SLC35D1: variants seen among roughly 807,000 people sequenced by gnomAD.
SLC35D1 encodes the protein nucleotide sugar transporter SLC35D1.
Under a neutral mutation model 46.7 loss-of-function variants are expected in SLC35D1, and 31 were observed. The ratio of observed to expected loss-of-function variants is 0.66; its 90% confidence interval spans 0.50 to 0.90. The LOEUF (loss-of-function observed/expected upper bound fraction) is 0.90, where lower values mean the gene tolerates loss of function less well. SLC35D1 is among the 40% of genes least tolerant of loss of function. The pLI is 0.00. For missense variants in SLC35D1, 397 were observed against 426.2 expected, an observed-to-expected ratio of 0.93 and a Z score of 0.60; for synonymous variants, 195 against 164.6, an observed-to-expected ratio of 1.18 and a Z score of -1.41.
intron 8 of SLC35D1, among the ~76,000 whole-genome samples, chr1:67,031,120 C>T (rs2815362): frequency 0.6 from 91,445 of 152,028 alleles, 28,953 homozygotes; most frequent in East Asian, 0.84. Flanking sequence ...ATCTGCAGGA[C>T]ATTAAAATAA....
At position 67,053,876 on chromosome 1, in the gene SLC35D1, G is replaced by A. The variant is rs1350210900; in HGVS notation, c.138C>T (p.Ala46=). 3 of 1,613,638 alleles carry A rather than the reference G, an allele frequency of 1.9e-6. No homozygotes were observed. Among genetic ancestry groups the A allele is most frequent in the South Asian group, 1.1e-5 (1 of 91,068 alleles). The change falls in exon 1 of 12, where the codon GCC becomes GCT. Residue 46 remains alanine (A), a synonymous_variant. Coordinates refer to ENST00000235345, the MANE Select transcript of SLC35D1 (RefSeq NM_015139.3). The part of the protein sequence containing the change: ...TLTVFLKLLA[A]GFYGVSSFLI... ...GGAAGGAGCTCACGCCGTAAAAGCC[G>A]GCGGCCAGCAGCTTCAGAAACACGG...
At chr1:66,984,537 T>C in the SLC35D1 span, 5 of 1,481,582 alleles carry the variant, frequency 3.4e-6, no homozygotes, top group Non-Finnish European at 4.5e-6. Flanking sequence ...AACTTTTTTC[T>C]AATTGTGGTT....
chr1:67,031,383 C>A (rs972392692), intron 8 of SLC35D1, among the ~76,000 whole-genome samples: 31 of 152,088 alleles, frequency 2.0e-4, no homozygotes, highest in African/African-American at 7.0e-4. Flanking sequence ...CAAAGGAGCC[C>A]ATTCTCCCTG....
At chr1:67,036,313 A>G in intron 8 of SLC35D1, among the ~76,000 whole-genome samples, 1 of 152,206 alleles carries the variant, frequency 6.6e-6, no homozygotes. Context: ...ATTGGGATCT[A>G]TCTCTCTCTT....
Position 67,054,142 on chromosome 1 carries a change from C to G in SLC35D1, c.-129G>C. The G allele has an allele frequency of 1.1e-6, 1 of 871,790 alleles. No individual in the cohort carries two copies. Among genetic ancestry groups the G allele is most frequent in the Non-Finnish European group, 1.7e-6 (1 of 587,240 alleles). 54.0% of individuals were successfully genotyped at this position (871,790 alleles called of 1,614,324 possible). On this transcript the variant is annotated 5_prime_UTR_variant, in exon 1 of 12. Coordinates refer to ENST00000235345, the MANE Select transcript of SLC35D1 (RefSeq NM_015139.3). ...AGCTGCGCGCTCGCCGCCTCGACTC[C>G]CCGCTTGGCCGCCGCCTGTCCCCGC...
intron 1 of SLC35D1, 142 bp from the exon 2 acceptor site, chr1:67,053,131 G>C (rs1049544820): frequency 2.1e-5 from 21 of 1,004,486 alleles, no homozygotes; most frequent in Middle Eastern, 5.9e-4. Flanking sequence ...CAAAAATCTT[G>C]GGAGAAAACT....
Position 67,004,179 on chromosome 1 carries a change from A to C in SLC35D1, c.*161T>G, listed in dbSNP as rs1291822589. The stretch of plus-strand genomic sequence containing the variant: ...GAGTCAATTATAAGTTTCTCTCTTC[A>C]TAAAATTTTAAAAGGCAGCAATCAA... On this transcript the variant is annotated 3_prime_UTR_variant, in exon 12 of 12. Coordinates refer to ENST00000235345, the MANE Select transcript of SLC35D1 (RefSeq NM_015139.3). The C allele has an allele frequency of 2.9e-5, 19 of 662,506 alleles. No homozygotes were observed. The Admixed American group carries it at 3.7e-4, about 13-fold the overall frequency. 41.0% of individuals were successfully genotyped at this position (662,506 alleles called of 1,614,324 possible).
At chr1:67,034,816 C>T (rs1668089564) in intron 8 of SLC35D1, among the ~76,000 whole-genome samples, 2 of 151,940 alleles carry the variant, frequency 1.3e-5, no homozygotes, top group Non-Finnish European at 2.9e-5. Context: ...ACCCATTCAT[C>T]TGTCATATAT....
chr1:67,006,953 T>G (rs1667462909), intron 11 of SLC35D1, among the ~76,000 whole-genome samples: 1 of 152,184 alleles, frequency 6.6e-6, no homozygotes. Context: ...ACACTAGCTA[T>G]GTGACCCTGG....
chr1:67,037,395 A>G (rs1668146501), intron 8 of SLC35D1, among the ~76,000 whole-genome samples: 1 of 152,144 alleles, frequency 6.6e-6, no homozygotes, highest in Non-Finnish European at 1.5e-5. Flanking sequence ...AAACTACACA[A>G]TCAATACAAA....
the SLC35D1 span, chr1:66,984,734 C>G: frequency 6.2e-7 from 1 of 1,613,912 alleles, no homozygotes; most frequent in South Asian, 1.1e-5. Context: ...CCAAAACTTG[C>G]CCATATGACT....
chr1:66,974,068 G>A, the SLC35D1 span, among the ~76,000 whole-genome samples: 4 of 151,530 alleles, frequency 2.6e-5, no homozygotes, highest in East Asian at 1.9e-4. Flanking sequence ...AAATTTTGTC[G>A]TGCATTAACT....
intron 8 of SLC35D1, among the ~76,000 whole-genome samples, chr1:67,039,682 T>G (rs980390625): frequency 6.6e-6 from 1 of 152,124 alleles, no homozygotes; most frequent in Non-Finnish European, 1.5e-5. Context: ...CCATTCAAAG[T>G]GGGTCAGGAA....
chr1:67,045,017 CAT>C (rs974011547), intron 7 of SLC35D1, among the ~76,000 whole-genome samples: 3 of 151,988 alleles, frequency 2.0e-5, no homozygotes, highest in African/African-American at 7.2e-5. Context: ...AGGTGTGCCT[CAT>C]GTGTACGGCA....
chr1:67,040,171 A>AT (rs1668212553), intron 8 of SLC35D1, among the ~76,000 whole-genome samples: 3 of 151,840 alleles, frequency 2.0e-5, no homozygotes, highest in African/African-American at 7.3e-5. Flanking sequence ...TTTTTTTGGA[A>AT]TTTTTTGTAG....
At position 67,004,101 on chromosome 1, in the gene SLC35D1, C is replaced by T. The variant is rs904894695; in HGVS notation, c.*239G>A. ...ATATAAGAAAAATAAATTAAAAAGC[C>T]CAGTACCTTTTCCAGTCTGATATAA... is the stretch of plus-strand genomic sequence containing the variant. On this transcript the variant is annotated 3_prime_UTR_variant, in exon 12 of 12. Transcript: ENST00000235345. 4.3e-6 allele frequency: 2 copies of T among 460,392 alleles called. No homozygotes were observed. Among genetic ancestry groups the T allele is most frequent in the South Asian group, 4.5e-5 (2 of 44,370 alleles). 28.5% of individuals were successfully genotyped at this position (460,392 alleles called of 1,614,324 possible).
At chr1:67,024,494 G>A (rs542667391) in intron 8 of SLC35D1, among the ~76,000 whole-genome samples, 3 of 152,144 alleles carry the variant, frequency 2.0e-5, no homozygotes, top group Non-Finnish European at 4.4e-5. Flanking sequence ...ACAAAACTGA[G>A]TAGCTTAAAT....
the SLC35D1 span, among the ~76,000 whole-genome samples, chr1:66,982,440 A>AG: frequency 6.6e-6 from 1 of 152,232 alleles, no homozygotes; most frequent in African/African-American, 2.4e-5. Context: ...CAAGAAAAAG[A>AG]GAAGAAAAAG....
At position 67,014,090 on chromosome 1, in the gene SLC35D1, G is replaced by C. The variant is rs184729247; in HGVS notation, c.877-4923C>G. Among the ~76,000 whole-genome samples, 147 of 152,210 alleles carry C rather than the reference G, an allele frequency of 9.7e-4. No individual in the cohort carries two copies. The Middle Eastern group carries it at 0.024, about 25-fold the overall frequency. ...AAACTACAGATACTTTGTTGACCCT[G>C]TTGCTTAATGGGCTCTGCCTTGAGC... On this transcript the variant is annotated intron_variant, in intron 10 of 11. Coordinates refer to ENST00000235345, the MANE Select transcript of SLC35D1 (RefSeq NM_015139.3).
Sources: allele counts gnomAD v4.1 joint callset (sites outside exome capture counted in the v4.1 genomes callset), GRCh38; gene constraint gnomAD v4.1.1; transcripts MANE v1.5; gene names NCBI Gene and HGNC (gene_info 2026-07-23, HGNC 2026-07-21).